The following CENPF variants were observed in gnomAD, a reference collection of about 807,000 sequenced individuals.
The protein encoded by CENPF is centromere protein F.
Under a neutral mutation model 307.3 loss-of-function variants are expected in CENPF, and 214 were observed. The ratio of observed to expected loss-of-function variants is 0.70; its 90% CI spans 0.62 to 0.78. The LOEUF (loss-of-function observed/expected upper bound fraction) is 0.78. CENPF is among the 30% of genes least tolerant of loss of function. The probability of loss-of-function intolerance (pLI) is 0.00; values close to 1 mark genes in which losing one functional copy is unlikely to be tolerated. For synonymous variants in CENPF, 1,259 were observed against 1,270.6 expected (o/e 0.99, Z 0.19); for missense variants, 3,401 against 3,483.9 (o/e 0.98, Z 0.60).
In CENPF at chr1:214,648,740, A is replaced by C; in HGVS notation, c.7896A>C (p.Thr2632=). 6.2e-7 allele frequency: 1 copy of C among 1,614,132 alleles called. No individual in the cohort carries two copies. The highest frequency in any genetic ancestry group is 1.1e-5 in the South Asian group (1 of 91,084). ...QREMHEMAQK[T]AELQEELSGE... ...AAATGCATGAGATGGCACAGAAAAC[A>C]GCAGAGCTGCAAGAAGAACTCAGTG... Residue 2632 remains threonine (T), a synonymous_variant, in exon 14 of 20, where the codon ACA becomes ACC. Coordinates refer to ENST00000366955, the MANE Select transcript of CENPF (RefSeq NM_016343.4).
chr1:214,628,090 T>A (rs1008184535), intron 7 of CENPF, among the ~76,000 whole-genome samples: 1 of 152,188 alleles, frequency 6.6e-6, no homozygotes, highest in African/African-American at 2.4e-5. Context: ...GGTCATGTTG[T>A]GCTACATATT....
At chr1:214,630,754 C>G (rs376418966) in intron 9 of CENPF, 92 bp downstream of exon 9, 4 of 1,487,750 alleles carry the variant, frequency 2.7e-6, no homozygotes, top group African/African-American at 2.8e-5. Context: ...ATGATACTTT[C>G]AAAGAAAAAG....
intron 7 of CENPF, among the ~76,000 whole-genome samples, chr1:214,622,767 T>C (rs1657549779): frequency 9.6e-6 from 1 of 104,096 alleles, no homozygotes; most frequent in African/African-American, 6.7e-5. Flanking sequence ...AGTTGGTCCA[T>C]TGTACCCATG....
rs999111537 is a variant in CENPF, at chr1:214,613,637, T to A, written c.-41-77T>A. On this transcript the variant is annotated intron_variant, in intron 1 of 19. Coordinates refer to ENST00000366955, the MANE Select transcript of CENPF (RefSeq NM_016343.4). ...CTTGAAACTTGATTTTTAGGGGTGGTTAGATAGATTCATTAATTTCTGAGA... is the reference window on the plus strand; with the variant it reads ...CTTGAAACTTGATTTTTAGGGGTGGATAGATAGATTCATTAATTTCTGAGA... 7 of 1,044,666 alleles carry A rather than the reference T, an allele frequency of 6.7e-6. No individual in the cohort carries two copies. The African/African-American group carries it at 8.0e-5, about 12-fold the overall frequency. 64.7% of individuals were successfully genotyped at this position (1,044,666 alleles called of 1,614,324 possible).
At position 214,647,329 on chromosome 1, in the gene CENPF, C is replaced by T; in HGVS notation, c.7759C>T (p.Gln2587Ter). The change falls in exon 13 of 20, where the codon CAG becomes TAG. Residue 2587 changes from glutamine to a stop codon, truncating the protein, a stop_gained. Transcript: ENST00000366955. LOFTEE classifies it high-confidence loss of function. ...TTTGCAGGACACATTAGAAGTGCTG[C>T]AGAGTTCTTACAAGAATCTAGAGAA... ...ASLQDTLEVL[Q>*]SSYKNLENEL... 1.2e-6 allele frequency: 2 copies of T among 1,613,822 alleles called. No homozygotes were observed. The highest frequency in any genetic ancestry group is 1.7e-6 in the Non-Finnish European group (2 of 1,179,890).
At chr1:214,655,439 C>G (rs768578323) in intron 17 of CENPF, 36 bp downstream of exon 17, 64 of 1,525,492 alleles carry the variant, frequency 4.2e-5, no homozygotes, top group Non-Finnish European at 5.5e-5. Flanking sequence ...CTAGCCAGAA[C>G]TCTTTTCCAG....
intron 1 of CENPF, chr1:214,608,836 T>C: frequency 6.3e-7 from 1 of 1,584,584 alleles, no homozygotes; most frequent in East Asian, 2.3e-5. Context: ...CGACAGCCCG[T>C]TCATGGCGGG....
intron 3 of CENPF, among the ~76,000 whole-genome samples, chr1:214,617,644 A>G (rs566110570): frequency 3.5e-4 from 54 of 152,344 alleles, no homozygotes; most frequent in African/African-American, 1.2e-3. Context: ...TTCTAGATGC[A>G]TTATATTGAT....
rs754251228 is a variant in CENPF at position 214,638,006 on chromosome 1, G to A, written c.1582+5G>A. The A allele has an allele frequency of 2.5e-6, 4 of 1,607,002 alleles. No individual in the cohort carries two copies. The South Asian group carries it at 4.5e-5, about 18-fold the overall frequency. ...ATTTTGCAGAAGAAATGAAAGGTAA[G>A]TAAACTTAGTATTTTAGAGTTACCT... On this transcript the variant is annotated splice_donor_5th_base_variant and intron_variant, in intron 11 of 19. Transcript: ENST00000366955.
At chr1:214,636,915 A>G (rs1394167622) in intron 10 of CENPF, among the ~76,000 whole-genome samples, 1 of 152,192 alleles carries the variant, frequency 6.6e-6, no homozygotes, top group African/African-American at 2.4e-5. Context: ...AAAGGGTGGC[A>G]TACAGTATAG....
intron 15 of CENPF, 60 bp downstream of exon 15, chr1:214,651,946 C>G: frequency 8.6e-7 from 1 of 1,167,456 alleles, no homozygotes; most frequent in Non-Finnish European, 1.1e-6. Context: ...CATGGTAAGG[C>G]TTTTTTTTTT....
Position 214,645,216 on chromosome 1 carries a change from T to C in CENPF, c.5646T>C (p.Ile1882=). ...CAGATAAATCATCACGTGAAGATAT[T>C]GGAGATAATGTGGCCAAGGTGAATG... is the stretch of plus-strand genomic sequence containing the variant. ...MHADKSSRED[I]GDNVAKVNDS... Residue 1882 remains isoleucine, a synonymous_variant, in exon 13 of 20, where the codon ATT becomes ATC. Transcript: ENST00000366955. The C allele has an allele frequency of 6.2e-7, 1 of 1,613,950 alleles. No individual in the cohort carries two copies. Among genetic ancestry groups the C allele is most frequent in the African/African-American group, 1.3e-5 (1 of 75,000 alleles).
At chr1:214,632,746 A>C in intron 10 of CENPF, 144 bp downstream of exon 10, 1 of 919,290 alleles carries the variant, frequency 1.1e-6, no homozygotes, top group Non-Finnish European at 1.6e-6. Context: ...GTATTACAGA[A>C]TTTTCTGTAT....
At chr1:214,662,339 C>T (rs1443638832) in intron 19 of CENPF, among the ~76,000 whole-genome samples, 1 of 151,868 alleles carries the variant, frequency 6.6e-6, no homozygotes, top group Non-Finnish European at 1.5e-5. Flanking sequence ...AAGTCCTGAC[C>T]TTCCAAGGCT....
intron 3 of CENPF, among the ~76,000 whole-genome samples, chr1:214,615,372 A>C (rs1195901820): frequency 6.6e-6 from 1 of 152,184 alleles, no homozygotes; most frequent in African/African-American, 2.4e-5. Context: ...CATACTATCA[A>C]ATTGATAGTA....
rs77578418 is a variant in CENPF at position 214,655,015 on chromosome 1, A to G, written c.8323-226A>G. The stretch of plus-strand genomic sequence containing the variant: ...ATAGACATCTCAGGAACTGTAGTTT[A>G]TACTTGTGATACTAAGAAAGAGAAT... On this transcript the variant is annotated intron_variant, in intron 16 of 19. Coordinates refer to ENST00000366955, the MANE Select transcript of CENPF (RefSeq NM_016343.4). 2,939 of 301,466 alleles carry G rather than the reference A, an allele frequency of 9.7e-3. 94 individuals are homozygous for G. The highest frequency in any genetic ancestry group is 0.059 in the African/African-American group (2,722 of 46,094). 18.7% of individuals were successfully genotyped at this position (301,466 alleles called of 1,614,324 possible). A position where few individuals can be genotyped will look rare whatever the true frequency, so the allele number is the denominator to read the frequency against.
At chr1:214,621,763 G>A (rs553699323) in intron 6 of CENPF, among the ~76,000 whole-genome samples, 11 of 152,272 alleles carry the variant, frequency 7.2e-5, no homozygotes, top group African/African-American at 2.6e-4. Context: ...TTTTAACAAA[G>A]GGTGTCATAT....
intron 16 of CENPF, chr1:214,653,948 T>C (rs1442103650): frequency 6.6e-6 from 1 of 152,082 alleles, no homozygotes; most frequent in South Asian, 2.1e-4. Context: ...TCTGAAAGGG[T>C]AAGGTTTACT....
At chr1:214,603,665 T>G (rs552567057) in intron 1 of CENPF, 71 of 152,402 alleles carry the variant, frequency 4.7e-4, no homozygotes, top group African/African-American at 1.7e-3. Context: ...CCAAGCCGCC[T>G]TCCCAGTCCC....
Sources: gnomAD v4.1 joint callset for allele counts (sites outside exome capture counted in the v4.1 genomes callset) on GRCh38, gnomAD v4.1.1 for gene constraint, MANE v1.5 for transcripts, NCBI Gene and HGNC (gene_info 2026-07-23, HGNC 2026-07-21) for gene names.